The following PIP4K2A variants were observed in gnomAD, a reference collection of about 807,000 sequenced individuals.
PIP4K2A encodes phosphatidylinositol-5-phosphate 4-kinase type 2 alpha.
In PIP4K2A, 14 loss-of-function variants were observed where a neutral mutation model predicts 42.9. The observed-to-expected ratio is 0.33, with a 90% confidence interval of 0.22 to 0.51. PIP4K2A has a LOEUF of 0.51. Ranked by LOEUF, PIP4K2A falls within the 20% of genes least tolerant of loss-of-function variation. PIP4K2A has a pLI of 0.97. For synonymous variants in PIP4K2A, 192 were observed against 192.2 expected (o/e 1.00, Z 0.01); for missense variants, 434 against 519.8 (o/e 0.83, Z 1.61).
At chr10:22,688,523 G>C (rs943062385) in intron 1 of PIP4K2A, among the ~76,000 whole-genome samples, 1 of 152,152 alleles carries the variant, frequency 6.6e-6, no homozygotes, top group African/African-American at 2.4e-5. Flanking sequence ...CACCATCTTG[G>C]CTCACTGCAG....
rs150830580 is a variant in PIP4K2A at position 22,564,229 on chromosome 10, T to TG, written c.678+3621dup. 7.4e-3 allele frequency among the ~76,000 whole-genome samples: 1,128 copies of TG among 152,336 alleles called. 10 individuals carry two copies. Among genetic ancestry groups the TG allele is most frequent in the African/African-American group, 0.025 (1,049 of 41,576 alleles). ...ACAGATACAGGAAGTCAAATACGTG[T>TG]GGCTTTCCTCTCTGTGTGCCCTTGT... On this transcript the variant is annotated intron_variant, in intron 6 of 9. Coordinates refer to ENST00000376573, the MANE Select transcript of PIP4K2A (RefSeq NM_005028.5).
In PIP4K2A at chr10:22,664,228, T is replaced by TATAC. The variant is rs1554807358; in HGVS notation, c.144+49954_144+49955insGTAT. Among the ~76,000 whole-genome samples, 288 of 89,854 alleles carry TATAC rather than the reference T, an allele frequency of 3.2e-3. 12 individuals carry two copies. Among genetic ancestry groups the TATAC allele is most frequent in the Middle Eastern group, 4.9e-3 (1 of 206 alleles). The allele number at this position is 89,854 out of a possible 152,430, so 58.9% of individuals were successfully genotyped here. Reference sequence around the variant, plus strand: ...ACATATATATATATACATATATATATACACACACACACACACACACACATA... The same window carrying TATAC: ...ACATATATATATATACATATATATATATACACACACACACACACACACACACATA... On this transcript the variant is annotated intron_variant, in intron 1 of 9. Transcript: ENST00000376573.
At chr10:22,633,872 TTCTCAAGGCA>T (rs1370392443) in intron 1 of PIP4K2A, among the ~76,000 whole-genome samples, 1 of 152,152 alleles carries the variant, frequency 6.6e-6, no homozygotes, top group African/African-American at 2.4e-5. Flanking sequence ...GAGTGTCGGC[TTCTCAAGGCA>T]TCTCAGATGC....
chr10:22,690,040 G>A (rs1422657838), intron 1 of PIP4K2A, among the ~76,000 whole-genome samples: 1 of 152,092 alleles, frequency 6.6e-6, no homozygotes, highest in Non-Finnish European at 1.5e-5. Flanking sequence ...TTATAATTAA[G>A]TATTTCTCAA....
intron 1 of PIP4K2A, among the ~76,000 whole-genome samples, chr10:22,617,809 G>A (rs1002286385): frequency 3.9e-5 from 6 of 152,094 alleles, no homozygotes; most frequent in Non-Finnish European, 7.4e-5. Context: ...ATCTTGAAAG[G>A]CCCGTGCATC....
At position 22,645,273 on chromosome 10, in the gene PIP4K2A, C is replaced by T. The variant is rs974343488; in HGVS notation, c.145-35556G>A. 5.3e-5 allele frequency among the ~76,000 whole-genome samples: 8 copies of T among 152,280 alleles called. No individual in the cohort carries two copies. In the East Asian group the frequency reaches 1.4e-3, roughly 26 times the overall value. On this transcript the variant is annotated intron_variant, in intron 1 of 9. Transcript: ENST00000376573. ...ATTAAAAATGAATTAGGGCCAGCCA[C>T]GATGGCTCACGCCCATAATCCCAGC...
chr10:22,667,401 G>A (rs1310523262), intron 1 of PIP4K2A, among the ~76,000 whole-genome samples: 1 of 152,144 alleles, frequency 6.6e-6, no homozygotes. Context: ...TAGAATTATG[G>A]TAGCAAACAC....
chr10:22,607,897 C>G (rs780635355), intron 3 of PIP4K2A, 30 bp downstream of exon 3: 1 of 1,454,812 alleles, frequency 6.9e-7, no homozygotes, highest in Admixed American at 1.7e-5. Flanking sequence ...CCATTTCCTA[C>G]TGGAAGCAAA....
Position 22,536,341 on chromosome 10 carries a change from G to A in PIP4K2A, c.*860C>T, listed in dbSNP as rs1461871907. On this transcript the variant is annotated 3_prime_UTR_variant, in exon 10 of 10. Transcript: ENST00000376573. ...GTAGCATTAATTCCTATATTGCAAC[G>A]TAAGGGTGAACAATGAAGGCTCCAG... 1.2e-5 allele frequency: 4 copies of A among 335,818 alleles called. No homozygotes were observed. The highest frequency in any genetic ancestry group is 7.8e-5 in the East Asian group (2 of 25,646). 20.8% of individuals were successfully genotyped at this position (335,818 alleles called of 1,614,324 possible). A position where few individuals can be genotyped will look rare whatever the true frequency, so the allele number is the denominator to read the frequency against.
chr10:22,622,171 A>G (rs1327307588), intron 1 of PIP4K2A, among the ~76,000 whole-genome samples: 1 of 152,246 alleles, frequency 6.6e-6, no homozygotes, highest in Non-Finnish European at 1.5e-5. Flanking sequence ...TTTTTTAAAG[A>G]CAGAAAAGTA....
intron 1 of PIP4K2A, among the ~76,000 whole-genome samples, chr10:22,642,913 C>G (rs903908112): frequency 6.6e-6 from 1 of 152,168 alleles, no homozygotes; most frequent in Non-Finnish European, 1.5e-5. Flanking sequence ...GTAAACATCT[C>G]TGATTACATC....
intron 7 of PIP4K2A, among the ~76,000 whole-genome samples, chr10:22,548,475 C>T (rs998009651): frequency 3.3e-5 from 5 of 152,140 alleles, no homozygotes; most frequent in African/African-American, 1.2e-4. Flanking sequence ...TAATAGGTCA[C>T]AGATAACCCT....
intron 1 of PIP4K2A, among the ~76,000 whole-genome samples, chr10:22,616,350 C>G (rs758184191): frequency 1.3e-5 from 2 of 152,134 alleles, no homozygotes; most frequent in Non-Finnish European, 2.9e-5. Flanking sequence ...GTGAGGCACT[C>G]CACACACAGT....
intron 1 of PIP4K2A, among the ~76,000 whole-genome samples, chr10:22,701,482 T>A (rs1004766710): frequency 3.3e-5 from 5 of 152,142 alleles, no homozygotes; most frequent in African/African-American, 1.2e-4. Context: ...CAGGTTCCCA[T>A]CACCTCTGGA....
Position 22,648,588 on chromosome 10 carries a change from G to A in PIP4K2A, c.145-38871C>T, listed in dbSNP as rs757412270. The stretch of plus-strand genomic sequence containing the variant: ...CATACTATCTCTGATTTTGCAGGAG[G>A]AGCCCTGAAACATGTGACCTTTTCT... On this transcript the variant is annotated intron_variant, in intron 1 of 9. Transcript: ENST00000376573. Among the ~76,000 whole-genome samples the A allele has an allele frequency of 5.9e-5, 9 of 152,130 alleles. 1 individual carries two copies. Among genetic ancestry groups the A allele is most frequent in the South Asian group, 4.1e-4 (2 of 4,826 alleles).
intron 1 of PIP4K2A, among the ~76,000 whole-genome samples, chr10:22,611,699 T>C (rs185014061): frequency 6.6e-6 from 1 of 152,334 alleles, no homozygotes; most frequent in East Asian, 1.9e-4. Context: ...AGAGTATATC[T>C]ATGAAAAATT....
At chr10:22,652,507 T>C (rs1427672281) in intron 1 of PIP4K2A, among the ~76,000 whole-genome samples, 2 of 152,220 alleles carry the variant, frequency 1.3e-5, no homozygotes, top group African/African-American at 2.4e-5. Flanking sequence ...TGCAAAGCAA[T>C]GTCTTCGTAG....
At position 22,546,713 on chromosome 10, in the gene PIP4K2A, A is replaced by AAACTT. The variant is rs1304452826; in HGVS notation, c.792+3941_792+3945dup. Among the ~76,000 whole-genome samples the AAACTT allele has an allele frequency of 3.3e-5, 5 of 152,298 alleles. No homozygotes were observed. In the East Asian group the frequency reaches 9.6e-4, roughly 29 times the overall value. ...GGCATGAGCCACCACAACAGGCCTC[A>AAACTT]AACTTTACTTTAAATCTGTTCTGAG... On this transcript the variant is annotated intron_variant, in intron 7 of 9. Coordinates refer to ENST00000376573, the MANE Select transcript of PIP4K2A (RefSeq NM_005028.5).
At chr10:22,537,742 C>T (rs1351174629) in intron 9 of PIP4K2A, among the ~76,000 whole-genome samples, 2 of 152,182 alleles carry the variant, frequency 1.3e-5, no homozygotes, top group African/African-American at 2.4e-5. Flanking sequence ...TCTTCAGGAC[C>T]CCTTCGTTTC....
Sources: allele counts gnomAD v4.1 joint callset (sites outside exome capture counted in the v4.1 genomes callset), GRCh38; gene constraint gnomAD v4.1.1; transcripts MANE v1.5; gene names NCBI Gene and HGNC (gene_info 2026-07-23, HGNC 2026-07-21).